Variants in NSMAF observed in about 807,000 individuals in gnomAD.
NSMAF encodes the protein neutral sphingomyelinase activation associated factor, also known as protein FAN.
In NSMAF, 90 loss-of-function variants were observed where a neutral mutation model predicts 134.9. The observed-to-expected ratio is 0.67, with a 90% confidence interval of 0.56 to 0.79. The LOEUF is 0.79. Ranked by LOEUF, NSMAF falls within the 30% of genes least tolerant of loss-of-function variation. The probability of loss-of-function intolerance (pLI) is 0.00; values close to 1 mark genes in which losing one functional copy is unlikely to be tolerated. For synonymous variants in NSMAF, 358 were observed against 389.6 expected (o/e 0.92, Z 0.96); for missense variants, 1,010 against 1,119.0 (o/e 0.90, Z 1.39).
intron 27 of NSMAF, among the ~76,000 whole-genome samples, chr8:58,586,927 G>A (rs551385286): frequency 1.6e-4 from 24 of 152,100 alleles, no homozygotes; most frequent in Non-Finnish European, 2.8e-4. Flanking sequence ...ATAGTGAGCC[G>A]CCAAAGTGCC....
At chr8:58,619,975 TATA>T (rs1007462816) in intron 9 of NSMAF, among the ~76,000 whole-genome samples, 3 of 152,268 alleles carry the variant, frequency 2.0e-5, no homozygotes, top group Non-Finnish European at 4.4e-5. Context: ...ACCATAAAGG[TATA>T]ATAATTAGCT....
intron 5 of NSMAF, among the ~76,000 whole-genome samples, chr8:58,633,805 T>C (rs766478430): frequency 2.0e-5 from 3 of 152,190 alleles, no homozygotes; most frequent in Non-Finnish European, 4.4e-5. Context: ...GTTGCCTGGT[T>C]GTATACTTGA....
intron 1 of NSMAF, among the ~76,000 whole-genome samples, chr8:58,658,107 C>A (rs1807762568): frequency 6.6e-6 from 1 of 152,132 alleles, no homozygotes. Flanking sequence ...AACATGATGC[C>A]AATTCAAGTG....
At position 58,590,862 on chromosome 8, in the gene NSMAF, C is replaced by T. The variant is rs1196933169; in HGVS notation, c.2019+5G>A. ...TCTATCATAATACTATTAAAATGAA[C>T]TCACCATATTTGAAAATGATATACT... On this transcript the variant is annotated splice_donor_5th_base_variant and intron_variant, in intron 24 of 30. Coordinates refer to ENST00000038176, the MANE Select transcript of NSMAF (RefSeq NM_003580.4). 6.4e-7 allele frequency: 1 copy of T among 1,555,422 alleles called. No homozygotes were observed. Among genetic ancestry groups the T allele is most frequent in the Admixed American group, 1.7e-5 (1 of 58,030 alleles).
chr8:58,607,649 T>C, intron 11 of NSMAF, 120 bp downstream of exon 11: 1 of 732,666 alleles, frequency 1.4e-6, no homozygotes, highest in Non-Finnish European at 2.4e-6. Flanking sequence ...CAGAGTCTAT[T>C]TTCTTACAGG....
chr8:58,626,220 T>G (rs1806926944), intron 6 of NSMAF, among the ~76,000 whole-genome samples: 1 of 149,688 alleles, frequency 6.7e-6, no homozygotes, highest in Admixed American at 6.7e-5. Context: ...TGTCTCAGCC[T>G]CCCAAGTAGC....
intron 6 of NSMAF, among the ~76,000 whole-genome samples, chr8:58,626,262 A>AT (rs1171943460): frequency 2.8e-5 from 4 of 140,752 alleles, no homozygotes; most frequent in Admixed American, 7.0e-5. Flanking sequence ...CGCCCGGCTA[A>AT]TTTTTTGTAT....
At chr8:58,598,615 G>A (rs1806197605) in intron 19 of NSMAF, among the ~76,000 whole-genome samples, 1 of 152,072 alleles carries the variant, frequency 6.6e-6, no homozygotes, top group Non-Finnish European at 1.5e-5. Context: ...AAATTATTCA[G>A]TGGGATGTAG....
Position 58,609,631 on chromosome 8 carries a change from C to A in NSMAF, c.660G>T (p.Leu220=). 6.2e-7 allele frequency: 1 copy of A among 1,614,184 alleles called. No homozygotes were observed. Among genetic ancestry groups the A allele is most frequent in the Non-Finnish European group, 8.5e-7 (1 of 1,180,022 alleles). The change falls in exon 10 of 31, where the codon CTG becomes CTT. Residue 220 remains leucine, a synonymous_variant. Transcript: ENST00000038176. ...GGTAGCCGTTGAGGGGCTGAAAATACAGGTTTGTGTCCGTGATGCACACGT... is the reference window on the plus strand; with the variant it reads ...GGTAGCCGTTGAGGGGCTGAAAATAAAGGTTTGTGTCCGTGATGCACACGT... ...PGHVCITDTN[L]YFQPLNGYPK...
chr8:58,589,462 G>T lies in NSMAF; in HGVS notation c.2201C>A (p.Ser734Tyr). ...AAATTATATATGAACCTTCACTGTAGAGTCCCACGATGCAGAATATAGCCT... is the reference window on the plus strand; with the variant it reads ...AAATTATATATGAACCTTCACTGTATAGTCCCACGATGCAGAATATAGCCT... ...DNRLYSASWD[S>Y]TVKVWSGVPA... is the part of the protein sequence containing the mutation. The change falls in exon 26 of 31, where the codon TCT (serine) becomes TAT (tyrosine). Residue 734 changes from serine (S) to tyrosine (Y), a missense_variant. Physicochemically the swap from Ser to Tyr is moderately radical, Grantham distance 144 (BLOSUM62 -2). Transcript: ENST00000038176. The T allele has an allele frequency of 6.6e-7, 1 of 1,510,188 alleles. No individual in the cohort carries two copies. Among genetic ancestry groups the T allele is most frequent in the Non-Finnish European group, 8.8e-7 (1 of 1,138,692 alleles). The allele number at this position is 1,510,188 out of a possible 1,614,324, so 93.5% of individuals were successfully genotyped here.
chr8:58,624,754 G>A (rs1208127567), intron 6 of NSMAF, among the ~76,000 whole-genome samples: 1 of 152,134 alleles, frequency 6.6e-6, no homozygotes, highest in Non-Finnish European at 1.5e-5. Context: ...ATATCTGTTA[G>A]GTCCATTGGG....
intron 2 of NSMAF, among the ~76,000 whole-genome samples, chr8:58,636,044 G>C (rs1019483754): frequency 2.0e-5 from 3 of 152,290 alleles, no homozygotes; most frequent in East Asian, 3.9e-4. Context: ...TTCTCAAAGG[G>C]TTTTTGAAAT....
chr8:58,635,419 C>G, intron 3 of NSMAF, 47 bp from the exon 4 acceptor site: 1 of 1,569,780 alleles, frequency 6.4e-7, no homozygotes, highest in Non-Finnish European at 8.7e-7. Context: ...AAAGGTAAGA[C>G]ATACACAAAA....
Position 58,595,544 on chromosome 8 carries a change from G to A in NSMAF, c.1892+16C>T, listed in dbSNP as rs200907418. ...CAGGACTATCAGCTGCTGAGAAGAA[G>A]CAGAGATATTCTTACTCTTTGTGGA... On this transcript the variant is annotated intron_variant, in intron 22 of 30. Coordinates refer to ENST00000038176, the MANE Select transcript of NSMAF (RefSeq NM_003580.4). The A allele has an allele frequency of 3.8e-6, 6 of 1,559,344 alleles. No homozygotes were observed. The East Asian group carries it at 1.3e-4, about 35-fold the overall frequency.
chr8:58,592,908 C>CAAAAA (rs201173954), intron 23 of NSMAF, among the ~76,000 whole-genome samples: 2 of 111,572 alleles, frequency 1.8e-5, no homozygotes, highest in African/African-American at 9.6e-5. Flanking sequence ...AAAACAAAAA[C>CAAAAA]AACAACAACA....
At chr8:58,631,596 T>G (rs772721354) in intron 5 of NSMAF, 50 bp from the exon 6 acceptor site, 12 of 1,021,434 alleles carry the variant, frequency 1.2e-5, no homozygotes, top group Non-Finnish European at 1.5e-6. Flanking sequence ...AATGTTTCAT[T>G]GTAAAGAGTA....
At position 58,595,563 on chromosome 8, in the gene NSMAF, T is replaced by C. The variant is rs778782120; in HGVS notation, c.1889A>G (p.Lys630Arg). Residue 630 changes from lysine to arginine, a missense_variant, in exon 22 of 31, where the codon AAA becomes AGA. Physicochemically the swap from Lys to Arg is conservative, Grantham distance 26. Coordinates refer to ENST00000038176, the MANE Select transcript of NSMAF (RefSeq NM_003580.4). ...LQLHEHYKIH[K>R]EAVTGITVSR... is the part of the protein sequence containing the mutation. ...GAAGAAGCAGAGATATTCTTACTCT[T>C]TGTGGATTTTATAGTGCTCGTGTAA... The C allele has an allele frequency of 8.7e-6, 14 of 1,607,376 alleles. No individual in the cohort carries two copies. In the Admixed American group the frequency reaches 2.2e-4, roughly 25 times the overall value.
intron 25 of NSMAF, 149 bp from the exon 26 acceptor site, chr8:58,589,724 A>G: frequency 1.3e-6 from 1 of 784,260 alleles, no homozygotes; most frequent in Non-Finnish European, 1.9e-6. Context: ...TACTAAATCA[A>G]AATATTCAAA....
At chr8:58,651,053 C>A (rs1807571081) in intron 1 of NSMAF, among the ~76,000 whole-genome samples, 2 of 152,068 alleles carry the variant, frequency 1.3e-5, no homozygotes, top group African/African-American at 4.8e-5. Flanking sequence ...AGATGTATAC[C>A]TTCTTAACAT....
Sources: allele counts gnomAD v4.1 joint callset (sites outside exome capture counted in the v4.1 genomes callset), GRCh38; gene constraint gnomAD v4.1.1; transcripts MANE v1.5; gene names NCBI Gene and HGNC (gene_info 2026-07-23, HGNC 2026-07-21).